Variants in PRKCH observed in about 807,000 individuals in gnomAD.
PRKCH encodes protein kinase C eta, also known as protein kinase C eta type.
PRKCH carries 28 observed loss-of-function variants against 82.5 expected under a neutral mutation model. The observed-to-expected ratio is 0.34, with a 90% CI of 0.25 to 0.47. The LOEUF (loss-of-function observed/expected upper bound fraction) is 0.47. Ranked by LOEUF, PRKCH falls within the 20% of genes least tolerant of loss-of-function variation. PRKCH has a pLI of 1.00. For missense variants in PRKCH, 705 were observed against 881.8 expected (o/e 0.80, Z 2.54); for synonymous variants, 322 against 327.4 (o/e 0.98, Z 0.18).
Position 61,458,427 on chromosome 14 carries a change from C to T in PRKCH, c.1278+748C>T, listed in dbSNP as rs181658653. Among the ~76,000 whole-genome samples, 168 of 152,130 alleles carry T rather than the reference C, an allele frequency of 1.1e-3. 3 individuals are homozygous for T. The highest frequency in any genetic ancestry group is 8.6e-3 in the Admixed American group (132 of 15,288). On this transcript the variant is annotated intron_variant, in intron 9 of 13. Transcript: ENST00000332981. ...TTGGACATGTCTTTCCCTTGGGGTC[C>T]CAAGGTATTTGCTGCAGCCCTAGAT...
chr14:61,303,151 A>G (rs2045460756), intron 1 of PRKCH: 1 of 151,530 alleles, frequency 6.6e-6, no homozygotes, highest in Non-Finnish European at 1.5e-5. Flanking sequence ...TCGAGTAGCT[A>G]CAGATGCTAC....
At chr14:61,416,054 T>TTTC (rs752191976) in intron 2 of PRKCH, among the ~76,000 whole-genome samples, 1 of 1,550 alleles carries the variant, frequency 6.5e-4, no homozygotes, top group Non-Finnish European at 1.7e-3. Context: ...TTTTCTTTTC[T>TTTC]TTTTTTTTTT....
At chr14:61,370,064 C>T (rs1467013132) in intron 1 of PRKCH, among the ~76,000 whole-genome samples, 1 of 151,952 alleles carries the variant, frequency 6.6e-6, no homozygotes, top group Non-Finnish European at 1.5e-5. Flanking sequence ...CTGTCTCAGC[C>T]TCCCAAGTAA....
intron 1 of PRKCH, among the ~76,000 whole-genome samples, chr14:61,230,822 T>G (rs1438905623): frequency 6.6e-6 from 1 of 152,156 alleles, no homozygotes; most frequent in Non-Finnish European, 1.5e-5. Context: ...TTGTCCAAAT[T>G]TCATACCAGA....
At chr14:61,305,642 A>T (rs2045481193) in intron 1 of PRKCH, 1 of 152,188 alleles carries the variant, frequency 6.6e-6, no homozygotes, top group Admixed American at 6.5e-5. Flanking sequence ...TAACCATCGA[A>T]TAAATTTTAC....
At chr14:61,390,692 G>A (rs532195968) in intron 1 of PRKCH, 1 of 152,874 alleles carries the variant, frequency 6.5e-6, no homozygotes, top group South Asian at 2.1e-4. Flanking sequence ...AAAGAGTAGT[G>A]AATGCAAGGC....
chr14:61,245,958 G>C (rs2044876338), intron 1 of PRKCH, among the ~76,000 whole-genome samples: 1 of 152,138 alleles, frequency 6.6e-6, no homozygotes, highest in Non-Finnish European at 1.5e-5. Context: ...GTGGTCGCTG[G>C]TCTTTTGAAT....
chr14:61,387,019 A>G (rs2046598341), intron 1 of PRKCH, among the ~76,000 whole-genome samples: 1 of 152,208 alleles, frequency 6.6e-6, no homozygotes, highest in Non-Finnish European at 1.5e-5. Context: ...TCTGTCCCTC[A>G]GCTCTCCCCT....
rs888101501 is a variant in PRKCH at position 61,202,933 on chromosome 14, T to C, written c.-19+15265T>C. Among the ~76,000 whole-genome samples the C allele has an allele frequency of 4.6e-5, 7 of 152,004 alleles. No homozygotes were observed. The South Asian group carries it at 1.5e-3, about 32-fold the overall frequency. On this transcript the variant is annotated intron_variant, in intron 1 of 3. Coordinates refer to the PRKCH transcript ENST00000555185. ...TCACTCTTGGTGTACATCCTATGGG[T>C]TTTGACAAATGCACAATGTCATGCG...
chr14:61,466,446 C>T (rs962562399), intron 9 of PRKCH, among the ~76,000 whole-genome samples: 11 of 152,124 alleles, frequency 7.2e-5, no homozygotes, highest in South Asian at 4.1e-4. Context: ...CCCCCATCCC[C>T]GGCTCGCAGG....
chr14:61,413,100 T>C (rs1179893031), intron 2 of PRKCH, among the ~76,000 whole-genome samples: 1 of 152,076 alleles, frequency 6.6e-6, no homozygotes, highest in African/African-American at 2.4e-5. Flanking sequence ...CCTATTTCTT[T>C]CCCCCCTTTG....
chr14:61,257,619 ACACACACACACCCC>A (rs1299571164), intron 1 of PRKCH, among the ~76,000 whole-genome samples: 6,022 of 59,706 alleles, frequency 0.1, 448 homozygotes, highest in African/African-American at 0.24. Context: ...ACACACACAC[ACACACACACACCCC>A]CACACACACA....
At position 61,425,803 on chromosome 14, in the gene PRKCH, C is replaced by A. The variant is rs759405058; in HGVS notation, c.428-17308C>A. On this transcript the variant is annotated intron_variant, in intron 2 of 13. Coordinates refer to ENST00000332981, the MANE Select transcript of PRKCH (RefSeq NM_006255.5). ...CCTAAACCTCATCTTGAATTCTAAT[C>A]CCCAAGTATTGACTAGAGACCTGGT... is the stretch of plus-strand genomic sequence containing the variant. Among the ~76,000 whole-genome samples, 71 of 152,162 alleles carry A rather than the reference C, an allele frequency of 4.7e-4. 2 individuals are homozygous for A. The highest frequency in any genetic ancestry group is 4.5e-3 in the Admixed American group (69 of 15,268).
rs2045244683 is a variant in PRKCH at position 61,280,225 on chromosome 14, G to A, written c.-19+92557G>A. 1.9e-6 allele frequency: 3 copies of A among 1,614,122 alleles called. No homozygotes were observed. The highest frequency in any genetic ancestry group is 1.7e-5 in the Admixed American group (1 of 60,008). On this transcript the variant is annotated intron_variant, in intron 1 of 3. Coordinates refer to the PRKCH transcript ENST00000555185. The surrounding 1 kb of genome is among the most constrained non-coding windows in gnomAD (Gnocchi z 5.0). ...GAAGGGGTTCTTGCCACCCATCCAC[G>A]AGATGCTGCTGAAGATGAGGAGCTT...
intron 1 of PRKCH, among the ~76,000 whole-genome samples, chr14:61,295,567 G>A (rs537351252): frequency 1.3e-5 from 2 of 152,342 alleles, no homozygotes; most frequent in Admixed American, 1.3e-4. Context: ...CATGAAGGAT[G>A]GTAGTGAGGC....
rs574296755 is a variant in PRKCH, at chr14:61,468,267, A to G, written c.1278+10588A>G. Reference sequence around the variant, plus strand: ...TGCAGTTTGCCTTTGGCTCAGATCAAAATAGAAAATGAGCCAGAACATGGT... The same window carrying G: ...TGCAGTTTGCCTTTGGCTCAGATCAGAATAGAAAATGAGCCAGAACATGGT... On this transcript the variant is annotated intron_variant, in intron 9 of 13. Coordinates refer to ENST00000332981, the MANE Select transcript of PRKCH (RefSeq NM_006255.5). 3.3e-5 allele frequency among the ~76,000 whole-genome samples: 5 copies of G among 152,346 alleles called. No individual in the cohort carries two copies. In the South Asian group the frequency reaches 1.0e-3, roughly 32 times the overall value.
At chr14:61,330,005 A>G (rs1175822532) in intron 1 of PRKCH, among the ~76,000 whole-genome samples, 1 of 152,248 alleles carries the variant, frequency 6.6e-6, no homozygotes, top group Non-Finnish European at 1.5e-5. Flanking sequence ...TCCAGCCACC[A>G]ATGAGCATGT....
intron 1 of PRKCH, among the ~76,000 whole-genome samples, chr14:61,384,161 A>G (rs1334591032): frequency 6.6e-6 from 1 of 152,310 alleles, no homozygotes; most frequent in Non-Finnish European, 1.5e-5. Flanking sequence ...CGGTGCCTCA[A>G]GTCGGAGTGG....
At chr14:61,288,433 G>C (rs1165896444) in intron 1 of PRKCH, among the ~76,000 whole-genome samples, 1 of 152,038 alleles carries the variant, frequency 6.6e-6, no homozygotes, top group African/African-American at 2.4e-5. Context: ...CTAGGTCACT[G>C]ATTCAAATGC....
Sources: gnomAD v4.1 joint callset for allele counts (sites outside exome capture counted in the v4.1 genomes callset) on GRCh38, gnomAD v4.1.1 for gene constraint, Gnocchi (gnomAD v3.1) non-coding constraint, MANE v1.5 for transcripts, NCBI Gene and HGNC (gene_info 2026-07-23, HGNC 2026-07-21) for gene names.